The following SLC25A29 variants were observed in gnomAD, a reference collection of about 807,000 sequenced individuals.
The protein encoded by SLC25A29 is mitochondrial basic amino acids transporter.
A neutral mutation model predicts 10.0 loss-of-function variants in SLC25A29; 13 were observed. That is an observed-to-expected ratio of 1.30 (90% CI 0.85 to 2.07). The LOEUF (loss-of-function observed/expected upper bound fraction) is 2.07, where lower values mean the gene tolerates loss of function less well. SLC25A29 is among the 30% of genes most tolerant of loss of function. The probability of loss-of-function intolerance (pLI) is 0.00; values close to 1 mark genes in which losing one functional copy is unlikely to be tolerated. For missense variants in SLC25A29, 475 were observed against 447.6 expected, an observed-to-expected ratio of 1.06 and a Z score of -0.55; for synonymous variants, 244 against 221.1, an observed-to-expected ratio of 1.10 and a Z score of -0.92.
At chr14:100,287,410 C>G (rs887019792), downstream of SLC25A29, among the ~76,000 whole-genome samples, 4 of 152,258 alleles carry the variant, frequency 2.6e-5, no homozygotes, top group Admixed American at 1.3e-4. Flanking sequence ...CCTCCCTCCC[C>G]CTTTCCCACC....
In SLC25A29 at chr14:100,292,544, C is replaced by T. The variant is rs1247092388; in HGVS notation, c.651G>A (p.Leu217=). The T allele has an allele frequency of 6.9e-6, 11 of 1,599,406 alleles. No individual in the cohort carries two copies. Among genetic ancestry groups the T allele is most frequent in the Non-Finnish European group, 9.4e-6 (11 of 1,173,944 alleles). ...TYPVDVVKSR[L]QADGLRGAPR... is the part of the protein sequence containing the mutation. ...GGGCGCCCCGCAGTCCGTCCGCCTG[C>T]AGCCGCGACTTGACCACGTCCACAG... The change falls in exon 4 of 4, where the codon CTG becomes CTA. Residue 217 remains leucine (L), a synonymous_variant. Transcript: ENST00000359232.
At chr14:100,293,497 T>A in intron 2 of SLC25A29, 120 bp from the exon 3 acceptor site, 1 of 792,310 alleles carries the variant, frequency 1.3e-6, no homozygotes, top group Non-Finnish European at 2.0e-6. Context: ...AGGCACAGTC[T>A]AAGACTTTTG....
At chr14:100,289,464 G>A (rs191874461), downstream of SLC25A29, among the ~76,000 whole-genome samples, 3 of 152,264 alleles carry the variant, frequency 2.0e-5, no homozygotes, top group East Asian at 3.9e-4. Context: ...GGAGGTGGAA[G>A]GAGGTTTTCC....
the SLC25A29 span, among the ~76,000 whole-genome samples, chr14:100,284,895 C>T: frequency 3.6e-3 from 545 of 152,270 alleles, 25 homozygotes; most frequent in East Asian, 0.066. Context: ...CAAAATTAGC[C>T]GGGCGTGGTG....
chr14:100,297,182 AAAAAC>A (rs1054902358), intron 2 of SLC25A29, among the ~76,000 whole-genome samples: 2 of 152,248 alleles, frequency 1.3e-5, no homozygotes, highest in African/African-American at 4.8e-5. Context: ...TGGCAAAAAC[AAAAAC>A]AAAACAAAAC....
chr14:100,299,712 T>G, intron 1 of SLC25A29: 1 of 985,136 alleles, frequency 1.0e-6, no homozygotes, highest in Non-Finnish European at 1.2e-6. Flanking sequence ...CATTACCCAT[T>G]TCACAGGAGA....
rs534906293 is a variant in SLC25A29 at position 100,298,996 on chromosome 14, A to G, written c.35-111T>C. The G allele has an allele frequency of 4.8e-3, 7,232 of 1,520,430 alleles. 34 individuals are homozygous for G. The highest frequency in any genetic ancestry group is 0.01 in the South Asian group (819 of 78,602). 94.2% of individuals were successfully genotyped at this position (1,520,430 alleles called of 1,614,324 possible). ...GACTGGCAGGAGCTGCTGCCGGGGA[A>G]AGGACATTGACCAAGCACCTGTGGG... On this transcript the variant is annotated intron_variant, in intron 1 of 3. Coordinates refer to ENST00000359232, the MANE Select transcript of SLC25A29 (RefSeq NM_001039355.3).
At chr14:100,302,914 C>G (rs1453696598) in intron 1 of SLC25A29, among the ~76,000 whole-genome samples, 2 of 152,086 alleles carry the variant, frequency 1.3e-5, no homozygotes, top group Admixed American at 1.3e-4. Context: ...GCCTGGAGCT[C>G]TACCAACACT....
intron 3 of SLC25A29, 24 bp from the exon 4 acceptor site, chr14:100,293,056 G>A: frequency 6.6e-7 from 1 of 1,507,796 alleles, no homozygotes. Context: ...GACGCCATCA[G>A]AGCCGGCAAC....
chr14:100,290,000 C>T (rs1301465024), downstream of SLC25A29, among the ~76,000 whole-genome samples: 1 of 152,222 alleles, frequency 6.6e-6, no homozygotes, highest in Non-Finnish European at 1.5e-5. Context: ...CTTCACCTTG[C>T]TCCTTGCCGC....
chr14:100,293,070 C>A, intron 3 of SLC25A29, 38 bp from the exon 4 acceptor site: 1 of 1,492,500 alleles, frequency 6.7e-7, no homozygotes, highest in Non-Finnish European at 8.9e-7. Context: ...CGGCAACGCG[C>A]ACCTCCCGGG....
At chr14:100,281,564 G>A in the SLC25A29 span, 1 of 152,204 alleles carries the variant, frequency 6.6e-6, no homozygotes, top group African/African-American at 2.4e-5. Flanking sequence ...CCCAAGCGGT[G>A]GGGAAGGAAG....
rs968762510 is a variant in SLC25A29, at chr14:100,295,490, C to T, written c.79-2113G>A. ...TTTTTTGGCCAGCCCGAGCCCCCAC[C>T]CCAGGACCTGTGCTGAGCCCAAGCT... On this transcript the variant is annotated intron_variant, in intron 2 of 3. Coordinates refer to ENST00000359232, the MANE Select transcript of SLC25A29 (RefSeq NM_001039355.3). 3.0e-5 allele frequency: 32 copies of T among 1,067,976 alleles called. 1 individual carries two copies. In the African/African-American group the frequency reaches 5.0e-4, roughly 17 times the overall value. 66.2% of individuals were successfully genotyped at this position (1,067,976 alleles called of 1,614,324 possible). A position where few individuals can be genotyped will look rare whatever the true frequency, so the allele number is the denominator to read the frequency against.
chr14:100,278,782 C>CT, the SLC25A29 span: 1 of 152,276 alleles, frequency 6.6e-6, no homozygotes, highest in African/African-American at 2.4e-5. Context: ...AGCATCTGTA[C>CT]CACCGCGCAG....
chr14:100,279,347 T>G, the SLC25A29 span: 1 of 152,244 alleles, frequency 6.6e-6, no homozygotes, highest in East Asian at 1.9e-4. Context: ...CCCATTGTCT[T>G]AGAGCTTCTC....
chr14:100,290,860 C>T (rs913364448), downstream of SLC25A29, among the ~76,000 whole-genome samples: 3 of 152,238 alleles, frequency 2.0e-5, no homozygotes, highest in Non-Finnish European at 4.4e-5. Flanking sequence ...CTCTCTCTCT[C>T]ATTGCTGGGA....
downstream of SLC25A29, among the ~76,000 whole-genome samples, chr14:100,286,473 G>GT (rs1018038089): frequency 7.1e-5 from 10 of 141,838 alleles, 1 homozygote; most frequent in South Asian, 2.6e-4. Flanking sequence ...GCATGGCTGG[G>GT]GGGGGGGGTG....
intron 1 of SLC25A29, chr14:100,299,465 A>T (rs1892396503): frequency 2.0e-6 from 2 of 988,374 alleles, no homozygotes; most frequent in South Asian, 9.3e-5. Flanking sequence ...CCAGGTCCTG[A>T]TGCACTGGCT....
rs1198421801 is a variant in SLC25A29, at chr14:100,291,538, G to A, written c.*745C>T. ...ATGGACAGGCAGCCTGAGGCCCAGA[G>A]GCGGAAGGATTTCTCCTTGCCACAG... is the stretch of plus-strand genomic sequence containing the variant. On this transcript the variant is annotated 3_prime_UTR_variant, in exon 4 of 4. Transcript: ENST00000359232. The A allele has an allele frequency of 1.3e-5, 2 of 152,488 alleles. No individual in the cohort carries two copies. The highest frequency in any genetic ancestry group is 3.9e-4 in the East Asian group (2 of 5,178). 9.4% of individuals were successfully genotyped at this position (152,488 alleles called of 1,614,324 possible).
Sources: gnomAD v4.1 joint callset for allele counts (sites outside exome capture counted in the v4.1 genomes callset) on GRCh38, gnomAD v4.1.1 for gene constraint, MANE v1.5 for transcripts, NCBI Gene and HGNC (gene_info 2026-07-23, HGNC 2026-07-21) for gene names.